MAD1L1: variants seen among roughly 807,000 people sequenced by gnomAD.
MAD1L1 encodes mitotic spindle assembly checkpoint protein MAD1.
A neutral mutation model predicts 96.9 loss-of-function variants in MAD1L1; 95 were observed. The ratio of observed to expected loss-of-function variants is 0.98; its 90% CI spans 0.83 to 1.16. MAD1L1 has a LOEUF of 1.16. Among genes scored for constraint, MAD1L1 ranks in the 50% most tolerant of loss-of-function variants. The pLI, the probability that MAD1L1 is intolerant of heterozygous loss-of-function variation, is 0.00. For synonymous variants in MAD1L1, 473 were observed against 396.6 expected (o/e 1.19, Z -2.29); for missense variants, 1,007 against 954.4 (o/e 1.06, Z -0.73).
At chr7:2,208,435 C>G (rs1461279834) in intron 10 of MAD1L1, among the ~76,000 whole-genome samples, 2 of 151,642 alleles carry the variant, frequency 1.3e-5, no homozygotes, top group Non-Finnish European at 2.9e-5. Context: ...ATCTCCAGTA[C>G]AGTGCAACCA....
chr7:2,062,257 CA>C (rs56706072), intron 12 of MAD1L1, among the ~76,000 whole-genome samples: 58,955 of 102,648 alleles, frequency 0.57, 15,172 homozygotes, highest in South Asian at 0.69. Flanking sequence ...ACAGCAACGA[CA>C]AAAAAAAAAA....
chr7:2,147,625 CCCTT>C (rs1409430150), intron 11 of MAD1L1, among the ~76,000 whole-genome samples: 2 of 152,226 alleles, frequency 1.3e-5, no homozygotes, highest in African/African-American at 4.8e-5. Flanking sequence ...CCAAGACTCA[CCCTT>C]CCCCAGGGCG....
chr7:1,918,759 A>T (rs1349005998), intron 17 of MAD1L1, among the ~76,000 whole-genome samples: 1 of 152,210 alleles, frequency 6.6e-6, no homozygotes, highest in Non-Finnish European at 1.5e-5. Context: ...CAGCAAAGCC[A>T]CTGTGCTCTG....
At chr7:1,983,084 G>A (rs118013978) in intron 14 of MAD1L1, among the ~76,000 whole-genome samples, 2,339 of 151,966 alleles carry the variant, frequency 0.015, 31 homozygotes, top group Non-Finnish European at 0.027. Context: ...ACACGTATGC[G>A]CGTGCATGCA....
At chr7:1,956,576 A>T (rs1053058295) in intron 16 of MAD1L1, among the ~76,000 whole-genome samples, 3 of 152,330 alleles carry the variant, frequency 2.0e-5, no homozygotes, top group Middle Eastern at 3.4e-3. Context: ...GGACATGCCT[A>T]GGGGCAGAGC....
intron 11 of MAD1L1, among the ~76,000 whole-genome samples, chr7:2,139,394 C>G (rs59741964): frequency 6.6e-6 from 1 of 152,110 alleles, no homozygotes; most frequent in African/African-American, 2.4e-5. Context: ...AGGACGCACA[C>G]TGAGATGCCC....
intron 11 of MAD1L1, 128 bp downstream of exon 11, chr7:2,149,024 C>T: frequency 1.2e-6 from 1 of 802,616 alleles, no homozygotes; most frequent in Non-Finnish European, 2.1e-6. Context: ...CCATCTCCTC[C>T]CAGACCAGGG....
At chr7:2,014,769 A>T (rs1245162972) in intron 12 of MAD1L1, 127 bp from the exon 13 acceptor site, 2 of 1,096,016 alleles carry the variant, frequency 1.8e-6, no homozygotes, top group Admixed American at 6.1e-5. Flanking sequence ...CCAGGCCAGC[A>T]CTCAGAGCCC....
chr7:2,199,763 C>T (rs574217554), intron 10 of MAD1L1, among the ~76,000 whole-genome samples: 20 of 152,234 alleles, frequency 1.3e-4, no homozygotes, highest in South Asian at 4.1e-4. Context: ...TCCTAGGAGA[C>T]GGCTTTCTCA....
intron 18 of MAD1L1, chr7:1,845,374 G>A (rs1783540287): frequency 6.6e-6 from 1 of 152,338 alleles, no homozygotes; most frequent in African/African-American, 2.4e-5. Flanking sequence ...CCCTGCATGG[G>A]GACTCAAACC....
At chr7:2,047,665 T>A (rs1000349295) in intron 12 of MAD1L1, among the ~76,000 whole-genome samples, 1 of 152,234 alleles carries the variant, frequency 6.6e-6, no homozygotes, top group African/African-American at 2.4e-5. Flanking sequence ...TAAGCACAGA[T>A]GCACACACAT....
At position 2,142,325 on chromosome 7, in the gene MAD1L1, C is replaced by T. The variant is rs1789077307; in HGVS notation, c.1073+6827G>A. The stretch of plus-strand genomic sequence containing the variant: ...CCCGTTCTAGAGACAGACAAGGAGC[C>T]TCAAAAGGCTGTCCCCTGGTGCAGG... On this transcript the variant is annotated intron_variant, in intron 11 of 18. Transcript: ENST00000265854. The surrounding 1 kb of genome is among the most constrained non-coding windows in gnomAD (Gnocchi z 4.7). Among the ~76,000 whole-genome samples, 1 of 152,236 alleles carries T rather than the reference C, an allele frequency of 6.6e-6. No homozygotes were observed. The highest frequency in any genetic ancestry group is 2.4e-5 in the African/African-American group (1 of 41,460).
intron 18 of MAD1L1, among the ~76,000 whole-genome samples, chr7:1,820,189 G>A (rs1390259257): frequency 3.3e-5 from 5 of 152,072 alleles, no homozygotes; most frequent in East Asian, 1.9e-4. Flanking sequence ...AGTAATCCAC[G>A]AGTCAAATGG....
chr7:2,112,740 A>G (rs1787446039), intron 11 of MAD1L1, among the ~76,000 whole-genome samples: 1 of 152,130 alleles, frequency 6.6e-6, no homozygotes, highest in South Asian at 2.1e-4. Context: ...CCACACCCAC[A>G]TCTCATCTCT....
At chr7:1,887,380 C>A (rs59963775) in intron 18 of MAD1L1, among the ~76,000 whole-genome samples, 1 of 148,648 alleles carries the variant, frequency 6.7e-6, no homozygotes, top group South Asian at 2.1e-4. Context: ...GCTGTGCATG[C>A]GTGTACATGC....
At chr7:2,071,878 G>A (rs1785147601) in intron 11 of MAD1L1, among the ~76,000 whole-genome samples, 1 of 152,198 alleles carries the variant, frequency 6.6e-6, no homozygotes, top group Non-Finnish European at 1.5e-5. Flanking sequence ...CACGGGAACT[G>A]GGAGAGCTCC....
At chr7:2,156,612 G>A (rs1789863181) in intron 10 of MAD1L1, among the ~76,000 whole-genome samples, 1 of 152,168 alleles carries the variant, frequency 6.6e-6, no homozygotes, top group Non-Finnish European at 1.5e-5. Flanking sequence ...CTGAGGTCAG[G>A]AGCTCAAGAC....
At chr7:2,130,462 C>CCCA (rs1788459353) in intron 11 of MAD1L1, among the ~76,000 whole-genome samples, 1 of 152,188 alleles carries the variant, frequency 6.6e-6, no homozygotes, top group Admixed American at 6.5e-5. Flanking sequence ...CTCTCTACGT[C>CCCA]GTCTGCGGCA....
Position 1,936,914 on chromosome 7 carries a change from A to G in MAD1L1, c.1597-17T>C. The G allele has an allele frequency of 6.4e-7, 1 of 1,566,588 alleles. No homozygotes were observed. The highest frequency in any genetic ancestry group is 1.2e-5 in the South Asian group (1 of 85,672). On this transcript the variant is annotated splice_polypyrimidine_tract_variant and intron_variant, in intron 16 of 18. Transcript: ENST00000265854. ...ATAGTCACCCTGCAGGAACACACACAGCACAGGTCACCATGGCCCAGGCAC... is the reference window on the plus strand; with the variant it reads ...ATAGTCACCCTGCAGGAACACACACGGCACAGGTCACCATGGCCCAGGCAC...
Sources: gnomAD v4.1 joint callset for allele counts (sites outside exome capture counted in the v4.1 genomes callset) on GRCh38, gnomAD v4.1.1 for gene constraint, Gnocchi (gnomAD v3.1) non-coding constraint, MANE v1.5 for transcripts, NCBI Gene and HGNC (gene_info 2026-07-23, HGNC 2026-07-21) for gene names.